Variants in NTRK3 observed in about 807,000 individuals in gnomAD.
NTRK3 encodes NT-3 growth factor receptor.
NTRK3 carries 24 observed loss-of-function variants against 91.7 expected under a neutral mutation model. The ratio of observed to expected loss-of-function variants is 0.26; its 90% CI spans 0.19 to 0.37. The LOEUF is 0.37. Among genes scored for constraint, NTRK3 ranks in the 10% least tolerant of loss-of-function variants. The probability of loss-of-function intolerance (pLI) is 1.00; values close to 1 mark genes in which losing one functional copy is unlikely to be tolerated. For synonymous variants in NTRK3, 483 were observed against 404.0 expected (o/e 1.20, Z -2.34); for missense variants, 880 against 1,068.9 (o/e 0.82, Z 2.46).
intron 3 of NTRK3, among the ~76,000 whole-genome samples, chr15:88,206,577 G>T (rs1289160744): frequency 6.9e-6 from 1 of 144,688 alleles, no homozygotes; most frequent in Non-Finnish European, 1.5e-5. Flanking sequence ...AGAATGGCGC[G>T]AACCCGGGAG....
intron 13 of NTRK3, among the ~76,000 whole-genome samples, chr15:88,097,989 A>T (rs766413172): frequency 4.6e-5 from 7 of 152,234 alleles, no homozygotes; most frequent in Non-Finnish European, 1.0e-4. Flanking sequence ...GTGAACTGCT[A>T]AAAGTGTGTA....
intron 14 of NTRK3, chr15:87,979,062 T>C: frequency 3.8e-6 from 2 of 522,966 alleles, no homozygotes; most frequent in East Asian, 3.2e-5. Context: ...GGTGCACAGG[T>C]TTTTAATTCT....
intron 6 of NTRK3, among the ~76,000 whole-genome samples, chr15:88,140,904 A>G (rs1191454092): frequency 6.6e-6 from 1 of 152,232 alleles, no homozygotes; most frequent in Admixed American, 6.5e-5. Context: ...AGTTAACATC[A>G]CAAGGAAGGC....
At chr15:88,147,682 C>A (rs999216336) in intron 5 of NTRK3, among the ~76,000 whole-genome samples, 2 of 152,102 alleles carry the variant, frequency 1.3e-5, no homozygotes. Flanking sequence ...CATGGTCATT[C>A]TTCCATATCC....
In NTRK3 at chr15:88,166,641, A is replaced by C. The variant is rs2044988108; in HGVS notation, c.395+16777T>G. Among the ~76,000 whole-genome samples, 3 of 152,230 alleles carry C rather than the reference A, an allele frequency of 2.0e-5. No homozygotes were observed. The South Asian group carries it at 6.2e-4, about 32-fold the overall frequency. ...ATCAGTTTCCCTCCCAAGAAGAAAC[A>C]ATTTTTAAATATTCATTTGGGAACG... On this transcript the variant is annotated intron_variant, in intron 5 of 18. Coordinates refer to ENST00000394480, the Ensembl canonical transcript of NTRK3.
intron 13 of NTRK3, among the ~76,000 whole-genome samples, chr15:88,115,192 G>A (rs1033513462): frequency 2.0e-4 from 30 of 152,186 alleles, no homozygotes; most frequent in African/African-American, 7.2e-4. Flanking sequence ...CCAAGCTCTT[G>A]GATGGCCCCT....
chr15:87,901,413 G>T (rs902317895), intron 17 of NTRK3, among the ~76,000 whole-genome samples: 1 of 152,208 alleles, frequency 6.6e-6, no homozygotes, highest in African/African-American at 2.4e-5. Flanking sequence ...CTTTCTCAGG[G>T]TCACCTAGTG....
At chr15:88,139,095 G>T (rs2042146722) in intron 6 of NTRK3, among the ~76,000 whole-genome samples, 2 of 152,186 alleles carry the variant, frequency 1.3e-5, no homozygotes, top group East Asian at 3.8e-4. Flanking sequence ...CAGAGATGAA[G>T]AAGACAGTCC....
intron 17 of NTRK3, among the ~76,000 whole-genome samples, chr15:87,902,043 T>C (rs2066489929): frequency 1.3e-5 from 2 of 152,208 alleles, no homozygotes; most frequent in Admixed American, 1.3e-4. Flanking sequence ...GTGATTTATA[T>C]AAAACACTCA....
At chr15:88,067,766 C>G (rs961666266) in intron 13 of NTRK3, among the ~76,000 whole-genome samples, 1 of 152,156 alleles carries the variant, frequency 6.6e-6, no homozygotes, top group African/African-American at 2.4e-5. Context: ...TATTTGAGCT[C>G]TCAGTCTCAA....
intron 17 of NTRK3, among the ~76,000 whole-genome samples, chr15:87,923,242 T>C (rs914547343): frequency 1.3e-5 from 2 of 152,234 alleles, no homozygotes; most frequent in Non-Finnish European, 2.9e-5. Flanking sequence ...GACACAGCTA[T>C]GTTCCATTTC....
chr15:88,136,337 G>T, intron 8 of NTRK3, 130 bp downstream of exon 8: 1 of 1,191,140 alleles, frequency 8.4e-7, no homozygotes, highest in Non-Finnish European at 1.2e-6. Flanking sequence ...AGAAAATATT[G>T]CAGCTGCATG....
chr15:88,135,460 T>A (rs2041784021), intron 9 of NTRK3, 63 bp from the exon 10 acceptor site: 1 of 1,559,272 alleles, frequency 6.4e-7, no homozygotes, highest in Non-Finnish European at 8.7e-7. Flanking sequence ...GCAGTAGCCT[T>A]CCAGCAACTA....
At chr15:88,190,448 C>T (rs1254962250) in intron 3 of NTRK3, among the ~76,000 whole-genome samples, 1 of 152,198 alleles carries the variant, frequency 6.6e-6, no homozygotes, top group East Asian at 1.9e-4. Context: ...ACAGCAAAAC[C>T]CTCAGAAGCT....
chr15:88,019,036 T>C (rs563838501), intron 14 of NTRK3, among the ~76,000 whole-genome samples: 1 of 152,226 alleles, frequency 6.6e-6, no homozygotes, highest in Admixed American at 6.5e-5. Context: ...CCAAGATAGT[T>C]GGATCCAGCT....
chr15:88,247,845 G>A (rs1240968403), intron 3 of NTRK3, among the ~76,000 whole-genome samples: 2 of 152,224 alleles, frequency 1.3e-5, no homozygotes, highest in Admixed American at 1.3e-4. Flanking sequence ...TGAAGGTAGA[G>A]AGGCGGGGTA....
At chr15:87,879,547 C>T (rs2065129594) in intron 18 of NTRK3, among the ~76,000 whole-genome samples, 1 of 152,146 alleles carries the variant, frequency 6.6e-6, no homozygotes, top group South Asian at 2.1e-4. Context: ...CTCAAGCAGA[C>T]CCCCTTCCTT....
chr15:88,142,947 G>A (rs2042530070), intron 6 of NTRK3, among the ~76,000 whole-genome samples: 1 of 152,126 alleles, frequency 6.6e-6, no homozygotes, highest in African/African-American at 2.4e-5. Context: ...AGGCGCAGTG[G>A]CTCATGTCTG....
At chr15:87,863,420 T>C (rs1320931999) in exon 19 of NTRK3, 1 of 225,442 alleles carries the variant, frequency 4.4e-6, no homozygotes, top group Non-Finnish European at 8.8e-6. Context: ...CTGCAGAATT[T>C]ACACTCTGGG....
Sources: allele counts gnomAD v4.1 joint callset (sites outside exome capture counted in the v4.1 genomes callset), GRCh38; gene constraint gnomAD v4.1.1; transcripts MANE v1.5; gene names NCBI Gene and HGNC (gene_info 2026-07-23, HGNC 2026-07-21).